Variants in ACYP2 observed in about 807,000 individuals in gnomAD.
The protein encoded by ACYP2 is acylphosphatase-2.
In ACYP2, 12 loss-of-function variants were observed where a neutral mutation model predicts 11.2. That is an observed-to-expected ratio of 1.08 (90% CI 0.69 to 1.74). The LOEUF (loss-of-function observed/expected upper bound fraction) is 1.74, where lower values mean the gene tolerates loss of function less well. Among genes scored for constraint, ACYP2 ranks in the 40% most tolerant of loss-of-function variants. The pLI, the probability that ACYP2 is intolerant of heterozygous loss-of-function variation, is 0.00. For synonymous variants in ACYP2, 43 were observed against 32.2 expected (o/e 1.33, Z -1.13); for missense variants, 134 against 101.9 (o/e 1.31, Z -1.35).
intron 4 of ACYP2, among the ~76,000 whole-genome samples, chr2:54,066,827 G>A (rs898870315): frequency 2.6e-5 from 4 of 152,160 alleles, no homozygotes; most frequent in African/African-American, 9.7e-5. Context: ...GCCAAACTCT[G>A]GTGAATTTCT....
chr2:54,172,429 T>G (rs980545827), intron 6 of ACYP2, among the ~76,000 whole-genome samples: 2 of 152,168 alleles, frequency 1.3e-5, no homozygotes, highest in African/African-American at 4.8e-5. Flanking sequence ...ATTTCCTTCT[T>G]TTCTCCAAAT....
intron 6 of ACYP2, among the ~76,000 whole-genome samples, chr2:54,273,283 G>T (rs1219838390): frequency 6.6e-5 from 10 of 152,164 alleles, no homozygotes; most frequent in African/African-American, 9.7e-5. Context: ...AACATACAAA[G>T]TTTTAAATGT....
chr2:54,066,012 C>G (rs987663587), intron 4 of ACYP2: 1 of 152,370 alleles, frequency 6.6e-6, no homozygotes, highest in South Asian at 2.1e-4. Flanking sequence ...GTACCAATCA[C>G]TCTTCCAACC....
chr2:54,195,603 G>A (rs1207192637), intron 6 of ACYP2, among the ~76,000 whole-genome samples: 1 of 143,736 alleles, frequency 7.0e-6, no homozygotes, highest in African/African-American at 2.6e-5. Flanking sequence ...TATCACATCC[G>A]CAGCCACGTT....
chr2:54,267,857 G>A (rs991575108), intron 6 of ACYP2, among the ~76,000 whole-genome samples: 1 of 152,058 alleles, frequency 6.6e-6, no homozygotes, highest in Non-Finnish European at 1.5e-5. Context: ...TCCTAGAATC[G>A]GCTCTTGTTT....
At chr2:54,014,798 C>A (rs1673589563) in intron 2 of ACYP2, among the ~76,000 whole-genome samples, 1 of 151,156 alleles carries the variant, frequency 6.6e-6, no homozygotes, top group South Asian at 2.1e-4. Context: ...CTTGCTCTGT[C>A]CCCTGGGCTG....
At chr2:54,181,044 T>C (rs1683697009) in intron 6 of ACYP2, among the ~76,000 whole-genome samples, 2 of 152,174 alleles carry the variant, frequency 1.3e-5, no homozygotes, top group African/African-American at 4.8e-5. Context: ...TTAACCTTGT[T>C]TTAGTATTAC....
chr2:54,090,120 G>A (rs1315492294), intron 4 of ACYP2, among the ~76,000 whole-genome samples: 1 of 150,952 alleles, frequency 6.6e-6, no homozygotes, highest in Non-Finnish European at 1.5e-5. Context: ...ACTCCAGCCT[G>A]AGCGACAGAA....
intron 6 of ACYP2, among the ~76,000 whole-genome samples, chr2:54,167,437 A>T (rs1385078907): frequency 6.6e-6 from 1 of 152,208 alleles, no homozygotes; most frequent in Non-Finnish European, 1.5e-5. Flanking sequence ...AAAAAATCTC[A>T]AATCCAGAGA....
chr2:54,259,336 C>G (rs986822992), intron 6 of ACYP2, among the ~76,000 whole-genome samples: 5 of 152,150 alleles, frequency 3.3e-5, no homozygotes, highest in African/African-American at 9.7e-5. Context: ...TTGGGATAAT[C>G]AGCATGCATG....
At chr2:54,087,169 GA>G (rs1677987787) in intron 4 of ACYP2, among the ~76,000 whole-genome samples, 1 of 152,160 alleles carries the variant, frequency 6.6e-6, no homozygotes, top group Non-Finnish European at 1.5e-5. Context: ...AATCATCAAT[GA>G]AAACAAAGCA....
chr2:54,202,665 C>T (rs938867039), intron 6 of ACYP2, among the ~76,000 whole-genome samples: 2 of 144,638 alleles, frequency 1.4e-5, no homozygotes, highest in African/African-American at 5.1e-5. Flanking sequence ...GCCTCAGTCT[C>T]CCAAAGTGCT....
At chr2:54,051,575 G>C in intron 3 of ACYP2, 1 of 743,542 alleles carries the variant, frequency 1.3e-6, no homozygotes, top group Non-Finnish European at 2.5e-6. Flanking sequence ...CATTGGTGAT[G>C]TTGTGAAGAA....
At chr2:54,029,537 T>C in intron 2 of ACYP2, 1 of 400,006 alleles carries the variant, frequency 2.5e-6, no homozygotes, top group Non-Finnish European at 4.8e-6. Flanking sequence ...TTCCCATTGG[T>C]TCTCTCACAT....
intron 4 of ACYP2, among the ~76,000 whole-genome samples, chr2:54,133,046 A>C (rs13353360): frequency 6.6e-6 from 1 of 152,246 alleles, no homozygotes; most frequent in South Asian, 2.1e-4. Context: ...ACCCGGCCCA[A>C]TGAATTTTTA....
At chr2:54,236,098 T>G (rs573624027) in intron 6 of ACYP2, among the ~76,000 whole-genome samples, 2 of 152,076 alleles carry the variant, frequency 1.3e-5, no homozygotes, top group Non-Finnish European at 1.5e-5. Context: ...CTGGAATTTT[T>G]TTTGTTTGTT....
intron 6 of ACYP2, among the ~76,000 whole-genome samples, chr2:54,211,478 C>G (rs1450939460): frequency 1.3e-5 from 2 of 152,172 alleles, no homozygotes; most frequent in African/African-American, 2.4e-5. Context: ...CTGCTAATCC[C>G]ATCTACTTGG....
At chr2:54,230,410 C>A (rs1003264982) in intron 6 of ACYP2, among the ~76,000 whole-genome samples, 1 of 152,056 alleles carries the variant, frequency 6.6e-6, no homozygotes. Flanking sequence ...AAGCTGGAGT[C>A]CAATGGCGTG....
chr2:53,979,790 C>G (rs1052118290), intron 2 of ACYP2, among the ~76,000 whole-genome samples: 1 of 151,752 alleles, frequency 6.6e-6, no homozygotes, highest in Non-Finnish European at 1.5e-5. Flanking sequence ...CTACCTCCAC[C>G]TCAAGGGATC....
Sources: allele counts gnomAD v4.1 joint callset (sites outside exome capture counted in the v4.1 genomes callset), GRCh38; gene constraint gnomAD v4.1.1; transcripts MANE v1.5; gene names NCBI Gene and HGNC (gene_info 2026-07-23, HGNC 2026-07-21).